STARD6: variants seen among roughly 807,000 people sequenced by gnomAD.
The protein encoded by STARD6 is StAR related lipid transfer domain containing 6, also known as stAR-related lipid transfer protein 6.
A neutral mutation model predicts 22.3 loss-of-function variants in STARD6; 21 were observed. The ratio of observed to expected loss-of-function variants is 0.94; its 90% CI spans 0.67 to 1.35. STARD6 has a LOEUF of 1.35. Ranked by LOEUF, STARD6 falls within the 40% of genes most tolerant of loss-of-function variation. The pLI, the probability that STARD6 is intolerant of heterozygous loss-of-function variation, is 0.00. For synonymous variants in STARD6, 80 were observed against 88.1 expected (o/e 0.91, Z 0.52); for missense variants, 269 against 266.9 (o/e 1.01, Z -0.05).
rs759860252 is a variant in STARD6, at chr18:54,354,560, G to T, written c.14C>A (p.Ala5Glu). The part of the protein sequence containing the change: MDFK[A>E]IAQQTAQEVL... ...TTCTTGGGCAGTTTGTTGGGCAATT[G>T]CCTTGAAGTCCATCTATCTGCAAGT... is the stretch of plus-strand genomic sequence containing the variant. Residue 5 changes from alanine (A) to glutamate (E), a missense_variant, in exon 3 of 8, where the codon GCA becomes GAA. Physicochemically the swap from Ala to Glu is moderately radical, Grantham distance 107. Transcript: ENST00000307844. 1 of 1,612,774 alleles carries T rather than the reference G, an allele frequency of 6.2e-7. No homozygotes were observed.
At chr18:54,338,342 G>A (rs751519041) in intron 4 of STARD6, among the ~76,000 whole-genome samples, 34 of 152,028 alleles carry the variant, frequency 2.2e-4, no homozygotes, top group Non-Finnish European at 4.0e-4. Context: ...TTACAAAAGC[G>A]GTCTTCAATC....
At chr18:54,351,892 T>C (rs1488410653) in intron 4 of STARD6, among the ~76,000 whole-genome samples, 3 of 135,516 alleles carry the variant, frequency 2.2e-5, no homozygotes, top group African/African-American at 5.6e-5. Context: ...ATCAGGGATA[T>C]TGGTCCGTTT....
At chr18:54,327,732 A>C (rs2088835620) in intron 7 of STARD6, among the ~76,000 whole-genome samples, 1 of 152,174 alleles carries the variant, frequency 6.6e-6, no homozygotes, top group African/African-American at 2.4e-5. Flanking sequence ...TAGTTTTATA[A>C]AATTTTCAAG....
chr18:54,346,255 A>G (rs1310376412), intron 4 of STARD6, among the ~76,000 whole-genome samples: 1 of 152,170 alleles, frequency 6.6e-6, no homozygotes, highest in Non-Finnish European at 1.5e-5. Context: ...AAGAGTTTGG[A>G]TAAATATTTA....
intron 4 of STARD6, among the ~76,000 whole-genome samples, chr18:54,341,250 G>A (rs1396267442): frequency 1.3e-5 from 2 of 152,082 alleles, no homozygotes; most frequent in African/African-American, 4.8e-5. Context: ...TAGTAGAGAC[G>A]GGGTTTCACC....
At chr18:54,353,043 A>G (rs867690973) in intron 4 of STARD6, among the ~76,000 whole-genome samples, 1 of 152,174 alleles carries the variant, frequency 6.6e-6, no homozygotes. Context: ...TTTCCTGATC[A>G]TTGTTAAAGT....
At chr18:54,325,868 ATACT>A (rs1261419463) in intron 7 of STARD6, among the ~76,000 whole-genome samples, 1 of 152,104 alleles carries the variant, frequency 6.6e-6, no homozygotes, top group East Asian at 1.9e-4. Flanking sequence ...ACTTTTATAA[ATACT>A]TATAATTTCT....
intron 3 of STARD6, 125 bp downstream of exon 3, chr18:54,354,359 G>T: frequency 1.2e-6 from 1 of 801,420 alleles, no homozygotes; most frequent in Non-Finnish European, 2.0e-6. Context: ...CTCCTGAGTA[G>T]CTGGGACTAT....
At chr18:54,330,694 A>G (rs1237410469) in intron 6 of STARD6, among the ~76,000 whole-genome samples, 1 of 152,088 alleles carries the variant, frequency 6.6e-6, no homozygotes, top group Non-Finnish European at 1.5e-5. Flanking sequence ...TGATTTGTGC[A>G]CCACGTGGTT....
chr18:54,328,121 T>A (rs1489085994), intron 7 of STARD6, among the ~76,000 whole-genome samples: 5 of 152,110 alleles, frequency 3.3e-5, no homozygotes, highest in Admixed American at 3.3e-4. Context: ...ACATAGGGTT[T>A]GGTACTATCC....
At chr18:54,357,205 T>C (rs1599316493) in intron 1 of STARD6, 1 of 152,378 alleles carries the variant, frequency 6.6e-6, no homozygotes, top group Non-Finnish European at 1.5e-5. Flanking sequence ...ACTGGATTCC[T>C]TCCAGACTTA....
intron 1 of STARD6, among the ~76,000 whole-genome samples, 163 bp from the exon 2 acceptor site, chr18:54,356,607 CA>C (rs1207334915): frequency 6.6e-6 from 1 of 151,944 alleles, no homozygotes; most frequent in African/African-American, 2.4e-5. Context: ...AAATATAGTA[CA>C]AAAAACTTTA....
chr18:54,336,472 C>T (rs540610250), intron 5 of STARD6, among the ~76,000 whole-genome samples: 23 of 152,290 alleles, frequency 1.5e-4, no homozygotes, highest in South Asian at 1.0e-3. Context: ...CCCACCAATG[C>T]GGAACTGTGT....
intron 4 of STARD6, 69 bp from the exon 5 acceptor site, chr18:54,337,320 T>C: frequency 2.1e-6 from 3 of 1,451,340 alleles, no homozygotes; most frequent in Non-Finnish European, 2.8e-6. Flanking sequence ...TATAATACTA[T>C]CAAAGCATAA....
intron 4 of STARD6, among the ~76,000 whole-genome samples, chr18:54,341,205 G>A (rs991694034): frequency 3.3e-5 from 5 of 151,766 alleles, no homozygotes; most frequent in South Asian, 4.2e-4. Flanking sequence ...GACTAGAGGC[G>A]CCCGCCACTG....
At chr18:54,336,338 G>A (rs2088912192) in intron 5 of STARD6, among the ~76,000 whole-genome samples, 1 of 152,152 alleles carries the variant, frequency 6.6e-6, no homozygotes, top group African/African-American at 2.4e-5. Flanking sequence ...GTCAAGGGCA[G>A]GACCAGGTGG....
Position 54,331,797 on chromosome 18 carries a change from G to A in STARD6, c.330C>T (p.Asp110=), listed in dbSNP as rs753397445. 1.2e-6 allele frequency: 2 copies of A among 1,613,446 alleles called. No homozygotes were observed. Among genetic ancestry groups the A allele is most frequent in the Admixed American group, 3.3e-5 (2 of 59,998 alleles). Residue 110 remains aspartate, a synonymous_variant, in exon 6 of 8, where the codon GAC becomes GAT. Coordinates refer to ENST00000307844, the MANE Select transcript of STARD6 (RefSeq NM_139171.2). ...GCTTGATGTACACTAAGTCGATAAA[G>A]TCTCGAGGGGAAATGGAGCCCACGG... The part of the protein sequence containing the change: ...SFAVGSISPR[D]FIDLVYIKRY...
intron 4 of STARD6, among the ~76,000 whole-genome samples, chr18:54,350,311 C>T (rs1035442517): frequency 2.0e-5 from 3 of 151,994 alleles, no homozygotes; most frequent in Non-Finnish European, 2.9e-5. Flanking sequence ...ATGTCCTTTG[C>T]CTACTTTTTG....
chr18:54,334,466 A>G (rs1406147663), intron 5 of STARD6, among the ~76,000 whole-genome samples: 1 of 152,134 alleles, frequency 6.6e-6, no homozygotes, highest in Non-Finnish European at 1.5e-5. Flanking sequence ...AGACTCTTGC[A>G]GAATCTGATC....
Sources: gnomAD v4.1 joint callset for allele counts (sites outside exome capture counted in the v4.1 genomes callset) on GRCh38, gnomAD v4.1.1 for gene constraint, MANE v1.5 for transcripts, NCBI Gene and HGNC (gene_info 2026-07-23, HGNC 2026-07-21) for gene names.